C5: variants seen among roughly 807,000 people sequenced by gnomAD.
C5 encodes C3 and PZP-like alpha-2-macroglobulin domain-containing protein 4.
C5 carries 140 observed loss-of-function variants against 218.8 expected under a neutral mutation model. The observed-to-expected ratio is 0.64, with a 90% CI of 0.56 to 0.74. C5 has a LOEUF of 0.74. Among genes scored for constraint, C5 ranks in the 30% least tolerant of loss-of-function variants. C5 has a pLI of 0.00. For synonymous variants in C5, 614 were observed against 682.3 expected (o/e 0.90, Z 1.56); for missense variants, 1,700 against 1,969.6 (o/e 0.86, Z 2.59).
the C5 span, among the ~76,000 whole-genome samples, chr9:121,070,928 C>T: frequency 6.6e-6 from 1 of 152,060 alleles, no homozygotes; most frequent in Non-Finnish European, 1.5e-5. Flanking sequence ...GATGGATATG[C>T]TAATTACTCC....
intron 12 of C5, among the ~76,000 whole-genome samples, chr9:121,018,189 T>G (rs113604212): frequency 0.11 from 15,442 of 145,226 alleles, 846 homozygotes; most frequent in African/African-American, 0.14. Context: ...AGAGGTGAAG[T>G]TTGCAGTGAG....
At chr9:120,956,740 C>T (rs890633662) in intron 39 of C5, among the ~76,000 whole-genome samples, 3 of 152,110 alleles carry the variant, frequency 2.0e-5, no homozygotes, top group African/African-American at 7.2e-5. Context: ...TTACAGCACC[C>T]AGAAATAAAG....
intron 8 of C5, chr9:121,025,857 C>T (rs1299614436): frequency 1.5e-5 from 5 of 342,714 alleles, no homozygotes; most frequent in South Asian, 3.1e-5. Flanking sequence ...CCAATTCCTG[C>T]GTCATCATTC....
At chr9:120,956,637 C>G (rs2046786738) in intron 39 of C5, among the ~76,000 whole-genome samples, 1 of 152,090 alleles carries the variant, frequency 6.6e-6, no homozygotes, top group African/African-American at 2.4e-5. Context: ...TAGATGCCTC[C>G]TACTACCTGA....
intron 20 of C5, among the ~76,000 whole-genome samples, chr9:120,999,340 G>A (rs764142150): frequency 2.6e-5 from 4 of 152,122 alleles, no homozygotes; most frequent in Non-Finnish European, 4.4e-5. Flanking sequence ...TAAGTGTCCC[G>A]CTTTTTATAG....
chr9:121,033,013 GGTGTGTGTGT>G (rs370287463), intron 5 of C5, among the ~76,000 whole-genome samples: 2 of 143,072 alleles, frequency 1.4e-5, no homozygotes, highest in African/African-American at 2.9e-5. Context: ...AAAAACTATG[GGTGTGTGTGT>G]GTGTGTGTGT....
rs1446048809 is a variant in C5 at position 121,014,001 on chromosome 9, G to A, written c.2129C>T (p.Thr710Ile). 1.9e-6 allele frequency: 3 copies of A among 1,614,024 alleles called. No individual in the cohort carries two copies. The highest frequency in any genetic ancestry group is 2.5e-6 in the Non-Finnish European group (3 of 1,180,036). The change falls in exon 17 of 41, where the codon ACC (threonine) becomes ATC (isoleucine). Residue 710 changes from threonine to isoleucine, a missense_variant. By Grantham distance (89) the Thr-to-Ile change is moderately conservative (BLOSUM62 -1). Coordinates refer to ENST00000223642, the MANE Select transcript of C5 (RefSeq NM_001735.3). ...AATCCGTGCAGCTCGCTGCTCACAG[G>A]TTTCATCATTATTAACGCAGGCTCC... ...YDGACVNNDE[T>I]CEQRAARISL...
At chr9:121,074,108 G>A in the C5 span, among the ~76,000 whole-genome samples, 1 of 152,142 alleles carries the variant, frequency 6.6e-6, no homozygotes, top group African/African-American at 2.4e-5. Flanking sequence ...CAAGGATGGG[G>A]AGCGATTGCA....
At chr9:121,012,048 C>T (rs1356563559) in intron 17 of C5, among the ~76,000 whole-genome samples, 2 of 152,008 alleles carry the variant, frequency 1.3e-5, no homozygotes, top group Non-Finnish European at 2.9e-5. Flanking sequence ...TAGTACTTGA[C>T]AGCACAACAG....
At chr9:121,035,288 T>C (rs2047514666) in intron 4 of C5, among the ~76,000 whole-genome samples, 1 of 152,240 alleles carries the variant, frequency 6.6e-6, no homozygotes, top group South Asian at 2.1e-4. Context: ...TTTTTATATA[T>C]GTTCATTTAA....
chr9:121,017,545 C>A (rs1400077836), intron 13 of C5, 34 bp from the exon 14 acceptor site: 1 of 1,610,364 alleles, frequency 6.2e-7, no homozygotes, highest in Non-Finnish European at 8.5e-7. Flanking sequence ...AAGAAAAGAT[C>A]ATTTGTATGA....
chr9:121,021,425 C>T (rs2047364065), intron 11 of C5, 84 bp downstream of exon 11: 1 of 1,074,144 alleles, frequency 9.3e-7, no homozygotes, highest in South Asian at 1.3e-5. Context: ...GTAAAATCTG[C>T]CGCATCTGTT....
the C5 span, among the ~76,000 whole-genome samples, chr9:121,070,876 G>C: frequency 3.3e-5 from 5 of 152,214 alleles, no homozygotes; most frequent in African/African-American, 1.2e-4. Flanking sequence ...GCTAGAAGGA[G>C]GGTATGAAAT....
At chr9:120,977,043 C>T (rs892328969) in intron 28 of C5, 138 bp from the exon 29 acceptor site, 4 of 732,780 alleles carry the variant, frequency 5.5e-6, no homozygotes, top group Admixed American at 4.3e-5. Flanking sequence ...CTGAAGATGA[C>T]CAATGCAAAA....
chr9:121,035,045 C>A, intron 4 of C5, 151 bp from the exon 5 acceptor site: 1 of 587,334 alleles, frequency 1.7e-6, no homozygotes, highest in East Asian at 2.8e-5. Context: ...GGATGAAGAT[C>A]TGTTAAATGT....
At chr9:121,044,762 T>C (rs562362281) in intron 2 of C5, among the ~76,000 whole-genome samples, 8 of 152,322 alleles carry the variant, frequency 5.3e-5, no homozygotes, top group Admixed American at 4.6e-4. Flanking sequence ...AGAAATATTC[T>C]ATATCTATGC....
At chr9:121,026,144 G>T (rs951634853) in intron 8 of C5, among the ~76,000 whole-genome samples, 22 of 152,006 alleles carry the variant, frequency 1.4e-4, no homozygotes, top group African/African-American at 4.8e-4. Context: ...ATAGAATTTT[G>T]CATTTTAAAA....
intron 5 of C5, among the ~76,000 whole-genome samples, chr9:121,034,064 G>A (rs957762524): frequency 2.0e-5 from 3 of 152,084 alleles, no homozygotes; most frequent in South Asian, 2.1e-4. Flanking sequence ...GGGATTACAG[G>A]TGCCTGCCAC....
At chr9:121,019,504 G>A (rs1388367108) in intron 12 of C5, among the ~76,000 whole-genome samples, 1 of 152,170 alleles carries the variant, frequency 6.6e-6, no homozygotes, top group Non-Finnish European at 1.5e-5. Context: ...AATTGGAACA[G>A]GCAAGATAGG....
Sources: allele counts gnomAD v4.1 joint callset (sites outside exome capture counted in the v4.1 genomes callset), GRCh38; gene constraint gnomAD v4.1.1; transcripts MANE v1.5; gene names NCBI Gene and HGNC (gene_info 2026-07-23, HGNC 2026-07-21).